Variants in APTX observed in about 807,000 individuals in gnomAD.
APTX encodes the protein forkhead-associated domain histidine triad-like protein.
In APTX, 33 loss-of-function variants were observed where a neutral mutation model predicts 42.3. The observed-to-expected ratio is 0.78, with a 90% CI of 0.59 to 1.04. The LOEUF (loss-of-function observed/expected upper bound fraction) is 1.04, where lower values mean the gene tolerates loss of function less well. APTX is among the 50% of genes least tolerant of loss of function. The pLI, the probability that APTX is intolerant of heterozygous loss-of-function variation, is 0.00. For synonymous variants in APTX, 130 were observed against 146.7 expected (o/e 0.89, Z 0.82); for missense variants, 421 against 415.1 (o/e 1.01, Z -0.12).
At chr9:32,991,164 G>A (rs750288715) in intron 1 of APTX, among the ~76,000 whole-genome samples, 1 of 152,152 alleles carries the variant, frequency 6.6e-6, no homozygotes, top group Non-Finnish European at 1.5e-5. Flanking sequence ...GGCCTCAGGT[G>A]ATCCGCCTGC....
At chr9:32,985,907 A>C in intron 5 of APTX, 64 bp downstream of exon 5, 1 of 1,347,160 alleles carries the variant, frequency 7.4e-7, no homozygotes, top group Non-Finnish European at 1.1e-6. Context: ...TTTGTAATTA[A>C]GACCTCTGTG....
intron 3 of APTX, 89 bp downstream of exon 3, chr9:32,987,994 G>A: frequency 6.6e-7 from 1 of 1,525,040 alleles, no homozygotes; most frequent in Non-Finnish European, 9.1e-7. Context: ...ACATGACAGA[G>A]AAGCCTTCAC....
chr9:33,020,135 C>G (rs1838259246), intron 1 of APTX: 3 of 366,722 alleles, frequency 8.2e-6, no homozygotes, highest in Non-Finnish European at 1.5e-5. Flanking sequence ...TCCCACATAA[C>G]CGCCCTGGCT....
chr9:32,976,770 A>C (rs1829524612), intron 6 of APTX, among the ~76,000 whole-genome samples: 1 of 152,256 alleles, frequency 6.6e-6, no homozygotes, highest in Non-Finnish European at 1.5e-5. Flanking sequence ...AGCTAATTTC[A>C]ACAGTCATAT....
At chr9:32,976,634 C>A (rs1829491122) in intron 6 of APTX, among the ~76,000 whole-genome samples, 1 of 152,182 alleles carries the variant, frequency 6.6e-6, no homozygotes, top group South Asian at 2.1e-4. Context: ...CTAACATTTT[C>A]TTTCCAGTAT....
At chr9:33,023,438 G>T (rs1303583025) in intron 1 of APTX, among the ~76,000 whole-genome samples, 1 of 151,896 alleles carries the variant, frequency 6.6e-6, no homozygotes, top group Non-Finnish European at 1.5e-5. Flanking sequence ...TGGCCAGGCT[G>T]GTCTAGAACT....
intron 6 of APTX, among the ~76,000 whole-genome samples, chr9:32,983,822 A>T (rs982248249): frequency 6.6e-6 from 1 of 152,178 alleles, no homozygotes; most frequent in African/African-American, 2.4e-5. Flanking sequence ...ACAGGGAAGG[A>T]AAGTACAATG....
upstream of APTX, among the ~76,000 whole-genome samples, chr9:33,004,650 T>TTTTA (rs1491509586): frequency 7.5e-6 from 1 of 132,998 alleles, no homozygotes; most frequent in African/African-American, 2.8e-5. Flanking sequence ...TTTTTTTTTT[T>TTTTA]GAGATGGAGT....
At chr9:33,010,790 A>G (rs987388689) in intron 1 of APTX, among the ~76,000 whole-genome samples, 3 of 152,160 alleles carry the variant, frequency 2.0e-5, no homozygotes, top group Non-Finnish European at 4.4e-5. Context: ...ATAAGAAAAG[A>G]AAGATACAGG....
intron 6 of APTX, chr9:32,979,742 C>A: frequency 5.9e-6 from 1 of 169,878 alleles, no homozygotes; most frequent in East Asian, 1.8e-4. Context: ...GCCATTTCCT[C>A]TGCCATCATT....
At position 32,974,463 on chromosome 9, in the gene APTX, G is replaced by A. The variant is rs1828841217; in HGVS notation, c.869C>T (p.Ser290Leu). Residue 290 changes from serine (S) to leucine (L), a missense_variant, in exon 7 of 8, where the codon TCA becomes TTA. Physicochemically the swap from Ser to Leu is moderately radical, Grantham distance 145. Coordinates refer to ENST00000379817, the MANE Select transcript of APTX (RefSeq NM_001195248.2). Reference protein sequence around the residue: ...NSFNTEYFLESQAVIEMVQEA... With the variant: ...NSFNTEYFLELQAVIEMVQEA... ...AACCAAGGAACACTGTTTACCTTGTGATTCTAGGAAGTATTCTGTATTGAA... is the reference window on the plus strand; with the variant it reads ...AACCAAGGAACACTGTTTACCTTGTAATTCTAGGAAGTATTCTGTATTGAA... The A allele has an allele frequency of 6.4e-7, 1 of 1,562,956 alleles. No individual in the cohort carries two copies. The highest frequency in any genetic ancestry group is 8.8e-7 in the Non-Finnish European group (1 of 1,134,124).
rs146552113 is a variant in APTX, at chr9:32,979,394, G to A, written c.771-4833C>T. On this transcript the variant is annotated intron_variant, in intron 6 of 7. Transcript: ENST00000379817. ...TCTCGTTCTTTTCTATGGCTGTGTAGTATTCCATGGTGTATATGTACCACA... is the reference window on the plus strand; with the variant it reads ...TCTCGTTCTTTTCTATGGCTGTGTAATATTCCATGGTGTATATGTACCACA... Among the ~76,000 whole-genome samples, 24 of 152,314 alleles carry A rather than the reference G, an allele frequency of 1.6e-4. No homozygotes were observed. The East Asian group carries it at 3.9e-3, about 24-fold the overall frequency.
At chr9:33,001,339 C>T in intron 1 of APTX, 1 of 1,525,538 alleles carries the variant, frequency 6.6e-7, no homozygotes. Context: ...ATACAGGTGT[C>T]GGGAGCACAC....
In APTX at chr9:32,986,032, T is replaced by TAAAAAAAAACAAAA. The variant is rs1554664711; in HGVS notation, c.484-3_484-2insTTTTGTTTTTTTTT. 2.7e-4 allele frequency: 198 copies of TAAAAAAAAACAAAA among 733,216 alleles called. 4 individuals are homozygous for TAAAAAAAAACAAAA. Among genetic ancestry groups the TAAAAAAAAACAAAA allele is most frequent in the East Asian group, 1.1e-3 (28 of 24,920 alleles). The allele number at this position is 733,216 out of a possible 1,614,324, so 45.4% of individuals were successfully genotyped here. On this transcript the variant is annotated splice_polypyrimidine_tract_variant and splice_region_variant and intron_variant, in intron 4 of 7. Coordinates refer to ENST00000379817, the MANE Select transcript of APTX (RefSeq NM_001195248.2). ...TTGACTCCAGTGGCCCAGGGATTCC[T>TAAAAAAAAACAAAA]AAAAAAAAAACAAAAAAAAAAACAA...
At chr9:33,002,225 T>A (rs1319884628), upstream of APTX, among the ~76,000 whole-genome samples, 1 of 152,074 alleles carries the variant, frequency 6.6e-6, no homozygotes, top group African/African-American at 2.4e-5. Flanking sequence ...TTCAAAGGCA[T>A]TTTGGCAGAA....
At chr9:33,000,071 G>T (rs1243112497) in intron 1 of APTX, among the ~76,000 whole-genome samples, 1 of 152,184 alleles carries the variant, frequency 6.6e-6, no homozygotes, top group East Asian at 1.9e-4. Context: ...TCTGAAGTTG[G>T]ACTGCCTGAA....
chr9:33,002,594 C>T (rs1012950505), upstream of APTX, among the ~76,000 whole-genome samples: 13 of 152,146 alleles, frequency 8.5e-5, no homozygotes, highest in African/African-American at 3.1e-4. Context: ...CATCCACTGA[C>T]CCCTACACAG....
intron 6 of APTX, among the ~76,000 whole-genome samples, chr9:32,979,237 T>C (rs538267015): frequency 6.6e-6 from 1 of 152,270 alleles, no homozygotes; most frequent in African/African-American, 2.4e-5. Flanking sequence ...TTCCCTGCTT[T>C]GTGTCCATGT....
chr9:32,975,316 CT>C (rs556931441), intron 6 of APTX, among the ~76,000 whole-genome samples: 2 of 131,746 alleles, frequency 1.5e-5, no homozygotes, highest in African/African-American at 2.5e-5. Context: ...GATTTATACT[CT>C]TTTTTTTTGT....
Sources: allele counts gnomAD v4.1 joint callset (sites outside exome capture counted in the v4.1 genomes callset), GRCh38; gene constraint gnomAD v4.1.1; transcripts MANE v1.5; gene names NCBI Gene and HGNC (gene_info 2026-07-23, HGNC 2026-07-21).